The following SATB2 variants were observed in gnomAD, a reference collection of about 807,000 sequenced individuals.
The protein encoded by SATB2 is SATB homeobox 2.
In SATB2, 1 loss-of-function variant was observed where a neutral mutation model predicts 73.4. The observed-to-expected ratio is 0.01, with a 90% confidence interval of 0.00 to 0.06. SATB2 has a LOEUF of 0.06. Ranked by LOEUF, SATB2 falls within the 10% of genes least tolerant of loss-of-function variation. The probability of loss-of-function intolerance (pLI) is 1.00; values close to 1 mark genes in which losing one functional copy is unlikely to be tolerated. For missense variants in SATB2, 459 were observed against 945.8 expected (o/e 0.49, Z 6.75); for synonymous variants, 397 against 367.0 (o/e 1.08, Z -0.93).
Position 199,272,117 on chromosome 2 carries a change from CA to C in SATB2, c.*93del, listed in dbSNP as rs1692174563. On this transcript the variant is annotated 3_prime_UTR_variant, in exon 11 of 11. Transcript: ENST00000417098. This position sits in a 1 kb window ranked among gnomAD's most constrained non-coding sequence, Gnocchi z 6.7. The stretch of plus-strand genomic sequence containing the variant: ...AAATAAAGCCAAAAAAACCCAAAAA[CA>C]AAAACAAAAAACAAACTAACAAAAA... 2 of 1,323,230 alleles carry C rather than the reference CA, an allele frequency of 1.5e-6. No homozygotes were observed. Among genetic ancestry groups the C allele is most frequent in the South Asian group, 1.2e-5 (1 of 84,002 alleles). The allele number at this position is 1,323,230 out of a possible 1,614,324, so 82.0% of individuals were successfully genotyped here.
At chr2:199,376,149 T>A (rs1689597395) in intron 5 of SATB2, among the ~76,000 whole-genome samples, 1 of 152,164 alleles carries the variant, frequency 6.6e-6, no homozygotes. Flanking sequence ...AAAAGAGCTA[T>A]CCCAGTGAGA....
chr2:199,342,422 T>C (rs945776000), intron 7 of SATB2, among the ~76,000 whole-genome samples: 3 of 140,922 alleles, frequency 2.1e-5, no homozygotes, highest in African/African-American at 5.3e-5. Flanking sequence ...TTCAAAAGAC[T>C]AGCTAAAAAA....
At chr2:199,289,399 A>G (rs1383075825) in intron 10 of SATB2, among the ~76,000 whole-genome samples, 1 of 152,154 alleles carries the variant, frequency 6.6e-6, no homozygotes, top group Non-Finnish European at 1.5e-5. Context: ...TAACTGGACT[A>G]GTAACTCCTT....
chr2:199,417,017 CAG>C (rs1691009419), intron 3 of SATB2, among the ~76,000 whole-genome samples: 1 of 147,556 alleles, frequency 6.8e-6, no homozygotes, highest in African/African-American at 2.5e-5. Flanking sequence ...GCCTGGGGGA[CAG>C]AGTGAGACTC....
intron 3 of SATB2, among the ~76,000 whole-genome samples, chr2:199,427,638 C>T (rs768256419): frequency 1.2e-3 from 178 of 150,762 alleles, no homozygotes; most frequent in African/African-American, 4.1e-3. Flanking sequence ...GGGAAAGAGA[C>T]GAGACAGGAT....
At chr2:199,411,043 T>C (rs2105903074) in intron 3 of SATB2, among the ~76,000 whole-genome samples, 1 of 152,220 alleles carries the variant, frequency 6.6e-6, no homozygotes, top group Admixed American at 6.5e-5. Flanking sequence ...TTATTAATCT[T>C]GGGTAGTTTC....
intron 3 of SATB2, among the ~76,000 whole-genome samples, chr2:199,395,029 G>C (rs970025675): frequency 1.3e-5 from 2 of 151,894 alleles, no homozygotes; most frequent in African/African-American, 4.8e-5. Flanking sequence ...ATAATACATG[G>C]GGAGAAAAGC....
chr2:199,370,801 A>G (rs912683190), intron 5 of SATB2, among the ~76,000 whole-genome samples: 16 of 152,244 alleles, frequency 1.1e-4, no homozygotes, highest in African/African-American at 3.8e-4. Context: ...GGCAGGTCCT[A>G]TATTTCATAT....
At chr2:199,414,334 C>T (rs746144672) in intron 3 of SATB2, among the ~76,000 whole-genome samples, 1 of 152,168 alleles carries the variant, frequency 6.6e-6, no homozygotes, top group Non-Finnish European at 1.5e-5. Context: ...ATGATAGCCA[C>T]GGTACTTGTG....
intron 5 of SATB2, among the ~76,000 whole-genome samples, chr2:199,372,652 G>C (rs1689483952): frequency 6.6e-6 from 1 of 152,132 alleles, no homozygotes; most frequent in Admixed American, 6.5e-5. Context: ...CTTAAGAAGG[G>C]AGACTAACGA....
intron 10 of SATB2, among the ~76,000 whole-genome samples, chr2:199,306,981 G>A (rs898616580): frequency 6.6e-6 from 1 of 152,118 alleles, no homozygotes; most frequent in Non-Finnish European, 1.5e-5. Flanking sequence ...TACTTCATTT[G>A]TACTGAACTA....
At chr2:199,442,172 C>A (rs190366255) in intron 2 of SATB2, among the ~76,000 whole-genome samples, 1 of 152,298 alleles carries the variant, frequency 6.6e-6, no homozygotes, top group African/African-American at 2.4e-5. Flanking sequence ...TTAATCACCA[C>A]CATTAATAGG....
chr2:199,358,727 C>A (rs148891051), intron 6 of SATB2, among the ~76,000 whole-genome samples: 1 of 152,222 alleles, frequency 6.6e-6, no homozygotes, highest in African/African-American at 2.4e-5. Flanking sequence ...CTTTTTCCAT[C>A]ATATTAACCT....
At chr2:199,374,578 T>C (rs1689542334) in intron 5 of SATB2, among the ~76,000 whole-genome samples, 1 of 152,206 alleles carries the variant, frequency 6.6e-6, no homozygotes, top group East Asian at 1.9e-4. Flanking sequence ...ATGTATATTT[T>C]ACCATAAGAA....
At chr2:199,320,983 CTTAA>C (rs1189846641) in intron 9 of SATB2, among the ~76,000 whole-genome samples, 1 of 152,138 alleles carries the variant, frequency 6.6e-6, no homozygotes, top group East Asian at 1.9e-4. Flanking sequence ...CACAAGACTA[CTTAA>C]TTGTTTCCCT....
intron 10 of SATB2, among the ~76,000 whole-genome samples, chr2:199,278,426 C>T (rs771136636): frequency 1.2e-4 from 18 of 152,146 alleles, no homozygotes; most frequent in African/African-American, 3.4e-4. Context: ...GTCACTTGTG[C>T]GATGCCATGA....
intron 6 of SATB2, among the ~76,000 whole-genome samples, chr2:199,367,835 A>G (rs935357665): frequency 6.6e-6 from 1 of 152,120 alleles, no homozygotes; most frequent in African/African-American, 2.4e-5. Context: ...CATATTTGAA[A>G]TGGTCCTGAC....
intron 10 of SATB2, among the ~76,000 whole-genome samples, chr2:199,299,147 C>T (rs942584981): frequency 1.3e-5 from 2 of 152,160 alleles, no homozygotes; most frequent in South Asian, 4.1e-4. Flanking sequence ...TAAATATGAG[C>T]AGGACATAAA....
chr2:199,468,719 C>G (rs533924859), upstream of SATB2, among the ~76,000 whole-genome samples: 79 of 152,300 alleles, frequency 5.2e-4, no homozygotes, highest in Non-Finnish European at 8.8e-4. Flanking sequence ...CTGCTCTACC[C>G]CTCGCAGGCC....
Sources: gnomAD v4.1 joint callset for allele counts (sites outside exome capture counted in the v4.1 genomes callset) on GRCh38, gnomAD v4.1.1 for gene constraint, Gnocchi (gnomAD v3.1) non-coding constraint, MANE v1.5 for transcripts, NCBI Gene and HGNC (gene_info 2026-07-23, HGNC 2026-07-21) for gene names.